The following TBL1X variants were observed in gnomAD, a reference collection of about 807,000 sequenced individuals.
TBL1X encodes F-box-like/WD repeat-containing protein TBL1X.
A neutral mutation model predicts 50.7 loss-of-function variants in TBL1X; 10 were observed. That is an observed-to-expected ratio of 0.20 (90% CI 0.12 to 0.33). The LOEUF (loss-of-function observed/expected upper bound fraction) is 0.33. TBL1X is among the 10% of genes least tolerant of loss of function. The pLI is 1.00. For missense variants in TBL1X, 340 were observed against 504.4 expected (o/e 0.67, Z 3.12); for synonymous variants, 190 against 214.7 (o/e 0.88, Z 1.01).
At chrX:9,533,578 A>T (rs1601738765) in intron 2 of TBL1X, among the ~76,000 whole-genome samples, 1 of 111,618 alleles carries the variant, frequency 9.0e-6, no homozygotes, top group Non-Finnish European at 1.9e-5. Flanking sequence ...AGACATTCCC[A>T]GCCTTTTCTT....
intron 1 of TBL1X, among the ~76,000 whole-genome samples, chrX:9,479,965 T>TGTGTGTGTGTGTGTGTGTGTGTGTG (rs1313372994): frequency 1.2e-4 from 13 of 108,602 alleles, no homozygotes; most frequent in African/African-American, 3.4e-4. Context: ...TGTGTGTGTG[T>TGTGTGTGTGTGTGTGTGTGTGTGTG]TTGAGATGGA....
intron 1 of TBL1X, among the ~76,000 whole-genome samples, chrX:9,491,361 G>C (rs2081944087): frequency 1.4e-5 from 1 of 73,018 alleles, no homozygotes; most frequent in African/African-American, 6.3e-5. Context: ...TTTTCTTTGA[G>C]ACAGAGTCTC....
intron 1 of TBL1X, among the ~76,000 whole-genome samples, chrX:9,475,391 C>T (rs2081843172): frequency 9.1e-6 from 1 of 109,593 alleles, no homozygotes; most frequent in Non-Finnish European, 1.9e-5. Flanking sequence ...TACAGGTGCC[C>T]ACCACCACCA....
intron 2 of TBL1X, among the ~76,000 whole-genome samples, chrX:9,539,832 C>T (rs940685904): frequency 2.7e-5 from 3 of 112,030 alleles, no homozygotes; most frequent in African/African-American, 9.7e-5. Flanking sequence ...ATTATCAAGT[C>T]GTGGTCAGGG....
chrX:9,600,240 C>G (rs770559483), intron 2 of TBL1X, among the ~76,000 whole-genome samples: 1 of 110,301 alleles, frequency 9.1e-6, no homozygotes, highest in Non-Finnish European at 1.9e-5. Flanking sequence ...AGTCCAGGAT[C>G]AAGGCACTGG....
At chrX:9,534,072 C>T (rs1355468807) in intron 2 of TBL1X, among the ~76,000 whole-genome samples, 1 of 111,494 alleles carries the variant, frequency 9.0e-6, no homozygotes, top group East Asian at 2.8e-4. Context: ...CAGGAGCCTG[C>T]AGGTCGGGTC....
At position 9,684,005 on chromosome X, in the gene TBL1X, G is replaced by A. The variant is rs372200140; in HGVS notation, c.212-38G>A. 38 of 1,208,974 alleles carry A rather than the reference G, an allele frequency of 3.1e-5. No individual in the cohort carries two copies. Among genetic ancestry groups the A allele is most frequent in the East Asian group, 5.9e-5 (2 of 33,718 alleles). ...TGGCTGCACCTCCCTCCTTCAATTC[G>A]GGTCTCACTCAACCTCAGCTTTCCC... On this transcript the variant is annotated intron_variant, in intron 5 of 17. Coordinates refer to ENST00000645353, the MANE Select transcript of TBL1X (RefSeq NM_005647.4).
At position 9,719,671 on chromosome X, in the gene TBL1X, A is replaced by T. The variant is rs1569111597; in HGVS notation, c.*3425A>T. The T allele has an allele frequency of 9.0e-6, 1 of 111,208 alleles. No individual in the cohort carries two copies. The highest frequency in any genetic ancestry group is 3.3e-5 in the African/African-American group (1 of 30,488). 9.2% of individuals were successfully genotyped at this position (111,208 alleles called of 1,213,427 possible). ...AAAATCACCTTGTGTGTTGTAGCTCATTTGTTTCAAGAGAGAATCAACAGA... is the reference window on the plus strand; with the variant it reads ...AAAATCACCTTGTGTGTTGTAGCTCTTTTGTTTCAAGAGAGAATCAACAGA... On this transcript the variant is annotated 3_prime_UTR_variant, in exon 18 of 18. Coordinates refer to ENST00000645353, the MANE Select transcript of TBL1X (RefSeq NM_005647.4).
intron 2 of TBL1X, among the ~76,000 whole-genome samples, chrX:9,633,768 A>G (rs1015118981): frequency 4.5e-5 from 5 of 111,941 alleles, no homozygotes; most frequent in Non-Finnish European, 5.6e-5. Flanking sequence ...AGGTATTCAG[A>G]GTCAGTCAGA....
In TBL1X at chrX:9,529,448, A is replaced by G. The variant is rs767127773; in HGVS notation, c.-131+27599A>G. Among the ~76,000 whole-genome samples the G allele has an allele frequency of 2.9e-4, 32 of 111,488 alleles. No individual in the cohort carries two copies. The East Asian group carries it at 5.6e-3, about 20-fold the overall frequency. ...TGCTGAATTTCAGACGTGCTAAAGGAGGGGTTGCAGACATTGTGTGGAATG... is the reference window on the plus strand; with the variant it reads ...TGCTGAATTTCAGACGTGCTAAAGGGGGGGTTGCAGACATTGTGTGGAATG... On this transcript the variant is annotated intron_variant, in intron 2 of 17. Transcript: ENST00000645353.
chrX:9,470,792 G>A (rs2081809670), intron 1 of TBL1X, among the ~76,000 whole-genome samples: 1 of 110,645 alleles, frequency 9.0e-6, no homozygotes, highest in Non-Finnish European at 1.9e-5. Context: ...GCACCACCAT[G>A]CCCGGCTAAT....
intron 2 of TBL1X, among the ~76,000 whole-genome samples, chrX:9,576,445 A>G (rs1206447006): frequency 1.8e-5 from 2 of 112,310 alleles, no homozygotes; most frequent in Non-Finnish European, 3.8e-5. Context: ...ATGGGGCCAG[A>G]TATCTTGCTT....
At chrX:9,544,134 T>C (rs1041885473) in intron 2 of TBL1X, among the ~76,000 whole-genome samples, 4 of 112,042 alleles carry the variant, frequency 3.6e-5, no homozygotes, top group African/African-American at 6.5e-5. Context: ...AATGCTGTTA[T>C]GAATTAATTT....
Position 9,591,902 on chromosome X carries a change from G to A in TBL1X, c.-130-48371G>A, listed in dbSNP as rs988965727. On this transcript the variant is annotated intron_variant, in intron 2 of 17. Transcript: ENST00000645353. ...GGATAAGGACTGGCATGGAGCATGGGCTCGATATCAGCCTGCTGATTTTAA... is the reference window on the plus strand; with the variant it reads ...GGATAAGGACTGGCATGGAGCATGGACTCGATATCAGCCTGCTGATTTTAA... Among the ~76,000 whole-genome samples the A allele has an allele frequency of 2.7e-5, 3 of 112,244 alleles. No individual in the cohort carries two copies. In the Admixed American group the frequency reaches 2.8e-4, roughly 11 times the overall value.
At chrX:9,475,442 C>T (rs2081843693) in intron 1 of TBL1X, among the ~76,000 whole-genome samples, 1 of 105,945 alleles carries the variant, frequency 9.4e-6, no homozygotes, top group Non-Finnish European at 1.9e-5. Context: ...GATGTGGTTT[C>T]ACCATGTTGG....
At chrX:9,513,238 G>C (rs907179280) in intron 2 of TBL1X, among the ~76,000 whole-genome samples, 5 of 110,805 alleles carry the variant, frequency 4.5e-5, no homozygotes, top group African/African-American at 1.6e-4. Flanking sequence ...GACTGGACAA[G>C]GTAGCAAGTC....
intron 2 of TBL1X, among the ~76,000 whole-genome samples, chrX:9,547,685 C>G (rs1284390414): frequency 9.1e-6 from 1 of 109,486 alleles, no homozygotes; most frequent in Non-Finnish European, 1.9e-5. Context: ...AATTCCCTGC[C>G]CCTCACCTTG....
intron 2 of TBL1X, among the ~76,000 whole-genome samples, chrX:9,555,812 A>C (rs1301886093): frequency 2.7e-5 from 3 of 111,907 alleles, no homozygotes; most frequent in Non-Finnish European, 5.6e-5. Context: ...GAAACCTGGG[A>C]GAAAGGAGTC....
chrX:9,655,425 C>A (rs1173599075), intron 5 of TBL1X, among the ~76,000 whole-genome samples: 2 of 111,114 alleles, frequency 1.8e-5, no homozygotes, highest in Non-Finnish European at 3.8e-5. Flanking sequence ...AGATTGGATT[C>A]GGAATTTACC....
Sources: gnomAD v4.1 joint callset for allele counts (sites outside exome capture counted in the v4.1 genomes callset) on GRCh38, gnomAD v4.1.1 for gene constraint, MANE v1.5 for transcripts, NCBI Gene and HGNC (gene_info 2026-07-23, HGNC 2026-07-21) for gene names.